SPMIP2: variants seen among roughly 807,000 people sequenced by gnomAD.
The protein encoded by SPMIP2 is sperm microtubule inner protein 2.
At chr4:158,923,959 A>C in the SPMIP2 span, among the ~76,000 whole-genome samples, 1 of 152,110 alleles carries the variant, frequency 6.6e-6, no homozygotes, top group African/African-American at 2.4e-5. Flanking sequence ...CTATAAGGAG[A>C]TAATAAAGGT....
At chr4:158,939,938 A>C in the SPMIP2 span, among the ~76,000 whole-genome samples, 3 of 152,198 alleles carry the variant, frequency 2.0e-5, no homozygotes, top group Non-Finnish European at 4.4e-5. Flanking sequence ...TTCCGAGGTC[A>C]TCTTATTTCC....
the SPMIP2 span, among the ~76,000 whole-genome samples, chr4:158,896,301 C>A: frequency 6.6e-6 from 1 of 152,114 alleles, no homozygotes; most frequent in Admixed American, 6.5e-5. Flanking sequence ...GCTTGAGGAG[C>A]CTGCCTGCGT....
the SPMIP2 span, among the ~76,000 whole-genome samples, chr4:159,051,904 G>A: frequency 5.9e-5 from 9 of 151,970 alleles, no homozygotes; most frequent in African/African-American, 1.2e-4. Flanking sequence ...CAGCTCCTGC[G>A]CTTTCATTTC....
chr4:158,910,710 A>C, the SPMIP2 span, among the ~76,000 whole-genome samples: 1 of 152,212 alleles, frequency 6.6e-6, no homozygotes, highest in African/African-American at 2.4e-5. Flanking sequence ...AAGATCCCCC[A>C]GGGAGAGAGA....
At chr4:159,011,452 CT>C in the SPMIP2 span, among the ~76,000 whole-genome samples, 1 of 152,102 alleles carries the variant, frequency 6.6e-6, no homozygotes, top group African/African-American at 2.4e-5. Flanking sequence ...TTAATTAATG[CT>C]TATAAAAATT....
chr4:158,979,926 G>T, the SPMIP2 span, among the ~76,000 whole-genome samples: 5 of 150,764 alleles, frequency 3.3e-5, no homozygotes, highest in Non-Finnish European at 7.4e-5. Context: ...CCTCCCCACA[G>T]AACCCAGCAA....
chr4:159,052,958 T>TA, the SPMIP2 span, among the ~76,000 whole-genome samples: 1 of 91,500 alleles, frequency 1.1e-5, no homozygotes, highest in Non-Finnish European at 2.2e-5. Context: ...TATTATTATT[T>TA]TTTTTTTTTT....
the SPMIP2 span, among the ~76,000 whole-genome samples, chr4:159,008,453 C>T: frequency 0.99 from 150,535 of 152,268 alleles, 74,428 homozygotes; most frequent in East Asian, 1. Context: ...CCTATAATCC[C>T]AGCAACTCAG....
the SPMIP2 span, among the ~76,000 whole-genome samples, chr4:159,069,808 A>G: frequency 1.3e-5 from 2 of 152,078 alleles, no homozygotes; most frequent in Non-Finnish European, 2.9e-5. Flanking sequence ...TATTTAATAC[A>G]AAGTGGAGCA....
the SPMIP2 span, among the ~76,000 whole-genome samples, chr4:158,910,500 C>T: frequency 3.3e-5 from 5 of 151,072 alleles, no homozygotes; most frequent in South Asian, 2.1e-4. Context: ...CTTGAACTCC[C>T]GACCTCAGAT....
chr4:158,962,912 G>A, the SPMIP2 span, among the ~76,000 whole-genome samples: 62 of 152,282 alleles, frequency 4.1e-4, no homozygotes, highest in African/African-American at 1.5e-3. Context: ...TTCATTTTAT[G>A]CCACATTATA....
chr4:159,034,746 C>T, the SPMIP2 span, among the ~76,000 whole-genome samples: 7 of 152,138 alleles, frequency 4.6e-5, no homozygotes, highest in African/African-American at 1.7e-4. Context: ...CAAAAATTAG[C>T]TGGGCATGAT....
chr4:159,079,617 T>C, the SPMIP2 span, among the ~76,000 whole-genome samples: 3 of 152,222 alleles, frequency 2.0e-5, no homozygotes, highest in South Asian at 4.1e-4. Context: ...GGCAAATTGT[T>C]TGGTTTTACC....
the SPMIP2 span, among the ~76,000 whole-genome samples, chr4:158,996,230 G>T: frequency 6.6e-6 from 1 of 152,112 alleles, no homozygotes; most frequent in Non-Finnish European, 1.5e-5. Context: ...CAAAAATTTT[G>T]TAAACATCCT....
the SPMIP2 span, among the ~76,000 whole-genome samples, chr4:158,977,625 T>A: frequency 1.4e-4 from 15 of 104,322 alleles, no homozygotes; most frequent in East Asian, 8.7e-4. Context: ...TTTTTTTTTT[T>A]TCTCTTTGAG....
chr4:159,062,707 C>T, the SPMIP2 span, among the ~76,000 whole-genome samples: 24 of 145,450 alleles, frequency 1.7e-4, no homozygotes, highest in African/African-American at 6.4e-4. Flanking sequence ...GTCTCTCTCT[C>T]TCTCTCTCTC....
chr4:158,960,291 GT>G, the SPMIP2 span: 1 of 1,546,862 alleles, frequency 6.5e-7, no homozygotes. Context: ...CTTACCATGG[GT>G]TTTGATATCT....
the SPMIP2 span, among the ~76,000 whole-genome samples, chr4:159,071,163 C>T: frequency 9.9e-5 from 15 of 152,256 alleles, no homozygotes; most frequent in African/African-American, 3.6e-4. Flanking sequence ...TGGCTGCTAA[C>T]TCGTTTGCAT....
chr4:158,915,979 TAGAG>T, the SPMIP2 span, among the ~76,000 whole-genome samples: 560 of 152,328 alleles, frequency 3.7e-3, 3 homozygotes, highest in African/African-American at 0.013. Context: ...TGTTGTTTCT[TAGAG>T]AGCCTCTTGG....
Sources: gnomAD v4.1 joint callset for allele counts (sites outside exome capture counted in the v4.1 genomes callset) on GRCh38, gnomAD v4.1.1 for gene constraint, MANE v1.5 for transcripts, NCBI Gene and HGNC (gene_info 2026-07-23, HGNC 2026-07-21) for gene names.